Variants in HSPA12A observed in about 807,000 individuals in gnomAD.
HSPA12A encodes the protein heat shock 70 kDa protein 12A.
HSPA12A carries 28 observed loss-of-function variants against 69.2 expected under a neutral mutation model. The observed-to-expected ratio is 0.40, with a 90% CI of 0.30 to 0.55. The LOEUF (loss-of-function observed/expected upper bound fraction) is 0.55, where lower values mean the gene tolerates loss of function less well. Among genes scored for constraint, HSPA12A ranks in the 20% least tolerant of loss-of-function variants. The pLI, the probability that HSPA12A is intolerant of heterozygous loss-of-function variation, is 0.38. For missense variants in HSPA12A, 686 were observed against 900.7 expected (o/e 0.76, Z 3.05); for synonymous variants, 345 against 370.5 (o/e 0.93, Z 0.79).
upstream of HSPA12A, chr10:116,849,904 C>G: frequency 1.3e-6 from 1 of 797,162 alleles, no homozygotes; most frequent in Non-Finnish European, 2.1e-6. Context: ...GAAGGACACC[C>G]AGGGGTGAAG....
chr10:116,795,991 A>G (rs1389167332), intron 2 of HSPA12A, among the ~76,000 whole-genome samples: 15 of 148,712 alleles, frequency 1.0e-4, no homozygotes. Flanking sequence ...CTAAAAATAC[A>G]AAAAAAATTA....
intron 1 of HSPA12A, 85 bp from the exon 2 acceptor site, chr10:116,707,370 C>T (rs1220047512): frequency 4.8e-6 from 5 of 1,045,994 alleles, no homozygotes; most frequent in African/African-American, 1.6e-5. Context: ...GCCTTAACTC[C>T]TCCAGGAACT....
chr10:116,849,452 A>G, intron 1 of HSPA12A: 1 of 1,377,570 alleles, frequency 7.3e-7, no homozygotes, highest in Non-Finnish European at 9.6e-7. Flanking sequence ...GGAAGAACCT[A>G]GGCCTGGAAG....
Position 116,683,893 on chromosome 10 carries a change from A to G in HSPA12A, c.733T>C (p.Tyr245His). The G allele has an allele frequency of 6.3e-7, 1 of 1,597,414 alleles. No homozygotes were observed. The highest frequency in any genetic ancestry group is 8.6e-7 in the Non-Finnish European group (1 of 1,167,326). Residue 245 changes from tyrosine to histidine, a missense_variant, in exon 7 of 12, where the codon TAC becomes CAC. Tyr to His is a moderately conservative substitution (Grantham distance 83). Coordinates refer to ENST00000369209, the MANE Select transcript of HSPA12A (RefSeq NM_025015.3). The stretch of plus-strand genomic sequence containing the variant: ...TGGTGTAGCCGCAGCTTTCGGCAGT[A>G]GATAGAGGCTGCCTCAGGCTCCAAG... ...IALEPEAASIYCRKLRLHQMI... is the reference protein window; with the variant it reads ...IALEPEAASIHCRKLRLHQMI...
intron 2 of HSPA12A, among the ~76,000 whole-genome samples, chr10:116,774,734 C>A (rs1365061340): frequency 6.6e-6 from 1 of 152,152 alleles, no homozygotes; most frequent in Non-Finnish European, 1.5e-5. Context: ...AACCCAGGTC[C>A]ACCATTGAAT....
intron 1 of HSPA12A, among the ~76,000 whole-genome samples, chr10:116,734,448 TAA>T (rs34843566): frequency 4.4e-3 from 447 of 101,406 alleles, no homozygotes; most frequent in Non-Finnish European, 6.5e-3. Flanking sequence ...AGACTCTGTC[TAA>T]AAAAAAAAAA....
intron 2 of HSPA12A, among the ~76,000 whole-genome samples, chr10:116,774,778 G>C (rs1844296230): frequency 6.6e-6 from 1 of 152,148 alleles, no homozygotes; most frequent in African/African-American, 2.4e-5. Flanking sequence ...CTGCCCACGT[G>C]GCCCTGGCCT....
intron 1 of HSPA12A, among the ~76,000 whole-genome samples, chr10:116,847,562 C>T (rs996604909): frequency 1.3e-5 from 2 of 152,176 alleles, no homozygotes; most frequent in Non-Finnish European, 2.9e-5. Flanking sequence ...AAAAGAAACC[C>T]TTTGCTCCAG....
intron 2 of HSPA12A, among the ~76,000 whole-genome samples, chr10:116,792,123 C>G (rs1404567917): frequency 6.6e-6 from 1 of 151,834 alleles, no homozygotes; most frequent in East Asian, 1.9e-4. Flanking sequence ...ACACCATGCT[C>G]ATGAACTTTA....
At position 116,686,342 on chromosome 10, in the gene HSPA12A, G is replaced by A. The variant is rs1025309647; in HGVS notation, c.664-2380C>T. 6.6e-6 allele frequency among the ~76,000 whole-genome samples: 1 copy of A among 152,190 alleles called. No homozygotes were observed. The highest frequency in any genetic ancestry group is 1.5e-5 in the Non-Finnish European group (1 of 68,032). ...TGCTGATTCTTCCATCCTTGAGGTT[G>A]TGGAGTCAAGGACCTCCCAGGAGCA... On this transcript the variant is annotated intron_variant, in intron 6 of 11. Transcript: ENST00000369209. The surrounding 1 kb of genome is among the most constrained non-coding windows in gnomAD (Gnocchi z 4.1).
chr10:116,746,043 C>A (rs1182581915), upstream of HSPA12A, among the ~76,000 whole-genome samples: 1 of 152,046 alleles, frequency 6.6e-6, no homozygotes, highest in Non-Finnish European at 1.5e-5. Flanking sequence ...TTTAGAGCCC[C>A]CAGACCCTAG....
In HSPA12A at chr10:116,692,257, A is replaced by T. The variant is rs61729411; in HGVS notation, c.663+94T>A. ...TTGCTGCCTCCCATGGAGGCCAGTG[A>T]ATGTGGGAGGTACCTGGGCGGGGCT... is the stretch of plus-strand genomic sequence containing the variant. On this transcript the variant is annotated intron_variant, in intron 6 of 11. Transcript: ENST00000369209. The T allele has an allele frequency of 1.1e-3, 960 of 904,664 alleles. 4 individuals are homozygous for T. In the African/African-American group the frequency reaches 0.014, roughly 14 times the overall value. 56.0% of individuals were successfully genotyped at this position (904,664 alleles called of 1,614,324 possible).
chr10:116,819,114 G>C (rs531084153), intron 2 of HSPA12A, among the ~76,000 whole-genome samples: 1 of 152,110 alleles, frequency 6.6e-6, no homozygotes, highest in South Asian at 2.1e-4. Context: ...GCACCCCCAA[G>C]CCCTGTGTCC....
upstream of HSPA12A, chr10:116,742,644 C>A: frequency 2.0e-6 from 2 of 999,804 alleles, no homozygotes; most frequent in Non-Finnish European, 2.4e-6. Flanking sequence ...CCCGCCCCGG[C>A]CCGCCCGGCG....
intron 2 of HSPA12A, among the ~76,000 whole-genome samples, chr10:116,788,309 G>A (rs778374261): frequency 2.0e-5 from 3 of 152,084 alleles, no homozygotes; most frequent in Admixed American, 6.5e-5. Context: ...TGTTCCAAAC[G>A]GGAGAAGAAA....
intron 2 of HSPA12A, chr10:116,832,720 A>T (rs1254152175): frequency 6.6e-6 from 1 of 152,214 alleles, no homozygotes; most frequent in East Asian, 1.9e-4. Context: ...ATCAGGCCGA[A>T]AAAATAACTT....
chr10:116,839,006 A>G lies in HSPA12A; in HGVS notation c.4-3984T>C, dbSNP rs930107439. Among the ~76,000 whole-genome samples, 9 of 152,358 alleles carry G rather than the reference A, an allele frequency of 5.9e-5. No homozygotes were observed. The South Asian group carries it at 6.2e-4, about 11-fold the overall frequency. ...TCACCAATATGTATTTCATCCACTA[A>G]AAGTTAACACACAGAAGTGTAAAGA... On this transcript the variant is annotated intron_variant, in intron 1 of 12. Coordinates refer to the HSPA12A transcript ENST00000635765.
chr10:116,705,311 G>A (rs782635208), intron 2 of HSPA12A, 33 bp from the exon 3 acceptor site: 2 of 1,613,358 alleles, frequency 1.2e-6, no homozygotes, highest in South Asian at 1.1e-5. Flanking sequence ...GGGGGGTGTG[G>A]AGGGGTGGGC....
At chr10:116,726,459 G>C (rs927367721) in intron 1 of HSPA12A, among the ~76,000 whole-genome samples, 1 of 151,078 alleles carries the variant, frequency 6.6e-6, no homozygotes, top group Admixed American at 6.6e-5. Context: ...AGACAGGCCT[G>C]GCAGGACCCC....
Sources: allele counts gnomAD v4.1 joint callset (sites outside exome capture counted in the v4.1 genomes callset), GRCh38; gene constraint gnomAD v4.1.1; non-coding constraint Gnocchi (gnomAD v3.1); transcripts MANE v1.5; gene names NCBI Gene and HGNC (gene_info 2026-07-23, HGNC 2026-07-21).